Variants in SAMM50 observed in about 807,000 individuals in gnomAD.
SAMM50 encodes the protein sorting and assembly machinery component 50 homolog.
In SAMM50, 47 loss-of-function variants were observed where a neutral mutation model predicts 66.9. The observed-to-expected ratio is 0.70, with a 90% CI of 0.56 to 0.90. The LOEUF (loss-of-function observed/expected upper bound fraction) is 0.90. SAMM50 is among the 40% of genes least tolerant of loss of function. The pLI, the probability that SAMM50 is intolerant of heterozygous loss-of-function variation, is 0.00. For missense variants in SAMM50, 535 were observed against 595.3 expected (o/e 0.90, Z 1.05); for synonymous variants, 191 against 214.1 (o/e 0.89, Z 0.94).
At chr22:43,992,530 AGGCT>A (rs1170381421) in intron 14 of SAMM50, among the ~76,000 whole-genome samples, 1 of 152,160 alleles carries the variant, frequency 6.6e-6, no homozygotes, top group African/African-American at 2.4e-5. Context: ...GTAGTCACGC[AGGCT>A]GCATGCATGT....
chr22:43,985,336 T>C (rs1042481581), intron 12 of SAMM50, among the ~76,000 whole-genome samples: 1 of 151,984 alleles, frequency 6.6e-6, no homozygotes, highest in African/African-American at 2.4e-5. Flanking sequence ...TTCACTGCGC[T>C]AAAAATGCTG....
intron 1 of SAMM50, 35 bp from the exon 2 acceptor site, chr22:43,963,251 A>G (rs778840108): frequency 7.3e-7 from 1 of 1,362,546 alleles, no homozygotes; most frequent in African/African-American, 1.5e-5. Context: ...ATATGTGACA[A>G]AGTCATTTAT....
chr22:43,989,283 C>T (rs2050310339), intron 13 of SAMM50, 26 bp downstream of exon 13: 2 of 1,610,864 alleles, frequency 1.2e-6, no homozygotes, highest in African/African-American at 1.3e-5. Flanking sequence ...TTCAAGAAAC[C>T]ATTGTAGTAC....
Position 43,968,820 on chromosome 22 carries a change from TAC to T in SAMM50, c.322+4_322+5del. The stretch of plus-strand genomic sequence containing the variant: ...ATGTTTTGATTGACACATGTCAAGG[TAC>T]ATATTGTGGTGTAGTATCTTTATAA... On this transcript the variant is annotated splice_donor_region_variant and intron_variant, in intron 4 of 14. Coordinates refer to ENST00000350028, the MANE Select transcript of SAMM50 (RefSeq NM_015380.5). 3 of 1,601,528 alleles carry T rather than the reference TAC, an allele frequency of 1.9e-6. No homozygotes were observed.
intron 1 of SAMM50, 102 bp from the exon 2 acceptor site, chr22:43,963,184 C>T (rs1382249376): frequency 4.4e-6 from 3 of 686,602 alleles, no homozygotes; most frequent in African/African-American, 3.6e-5. Context: ...AAGGGAACAA[C>T]TACTGAATTT....
chr22:43,984,539 C>T (rs956672770), intron 12 of SAMM50, among the ~76,000 whole-genome samples: 2 of 151,936 alleles, frequency 1.3e-5, no homozygotes, highest in African/African-American at 2.4e-5. Flanking sequence ...TCTCAAACTC[C>T]TGACCTCGTG....
At chr22:43,979,846 T>C (rs1191463704) in intron 10 of SAMM50, among the ~76,000 whole-genome samples, 2 of 151,782 alleles carry the variant, frequency 1.3e-5, no homozygotes, top group East Asian at 3.9e-4. Flanking sequence ...CACCCTGACT[T>C]TCAGGCACTC....
Position 43,990,273 on chromosome 22 carries a change from C to A in SAMM50, c.1231C>A (p.Pro411Thr). Residue 411 changes from proline (P) to threonine (T), a missense_variant, in exon 14 of 15, where the codon CCC (proline) becomes ACC (threonine). By Grantham distance (38) the Pro-to-Thr change is conservative (BLOSUM62 -1). Transcript: ENST00000350028. ...GGTCTTTCTCTTTTCAGGGGAGGGC[C>A]CCAAAGCTCATATTCGTAAGCTGGC... ...NLCNLNYGEG[P>T]KAHIRKLAEC... 1.2e-6 allele frequency: 2 copies of A among 1,614,156 alleles called. 1 individual carries two copies. The highest frequency in any genetic ancestry group is 2.2e-5 in the South Asian group (2 of 91,078).
intron 5 of SAMM50, 60 bp from the exon 6 acceptor site, chr22:43,972,811 A>G: frequency 6.7e-7 from 1 of 1,497,794 alleles, no homozygotes; most frequent in Admixed American, 2.2e-5. Context: ...TCTTTATCCA[A>G]TCCAAAGTTC....
At chr22:43,961,187 T>G (rs972269929) in intron 1 of SAMM50, among the ~76,000 whole-genome samples, 4 of 152,184 alleles carry the variant, frequency 2.6e-5, no homozygotes, top group Non-Finnish European at 5.9e-5. Context: ...ACTTTAAAAG[T>G]GCCTAATTGT....
At chr22:43,991,126 G>A (rs1447257463) in intron 14 of SAMM50, among the ~76,000 whole-genome samples, 3 of 151,670 alleles carry the variant, frequency 2.0e-5, no homozygotes, top group Admixed American at 1.3e-4. Flanking sequence ...ACAGGCATGC[G>A]TCACCACACC....
At chr22:43,976,621 G>A in intron 8 of SAMM50, 129 bp from the exon 9 acceptor site, 1 of 712,312 alleles carries the variant, frequency 1.4e-6, no homozygotes, top group Non-Finnish European at 2.5e-6. Context: ...TCCTCCAAGG[G>A]CTCTGTGAAC....
chr22:43,989,260 A>G lies in SAMM50; in HGVS notation c.1222+3A>G, dbSNP rs2050310185. The stretch of plus-strand genomic sequence containing the variant: ...AAACCTCTGCAACCTCAACTATGGT[A>G]AAACTTGCGCTATTCAAGAAACCAT... On this transcript the variant is annotated splice_donor_region_variant and intron_variant, in intron 13 of 14. Coordinates refer to ENST00000350028, the MANE Select transcript of SAMM50 (RefSeq NM_015380.5). 6.2e-7 allele frequency: 1 copy of G among 1,614,136 alleles called. No homozygotes were observed. The highest frequency in any genetic ancestry group is 8.5e-7 in the Non-Finnish European group (1 of 1,180,002).
intron 10 of SAMM50, among the ~76,000 whole-genome samples, chr22:43,980,163 T>TCCATCCATCCAC (rs1569032114): frequency 2.4e-4 from 2 of 8,280 alleles, no homozygotes; most frequent in Admixed American, 1.4e-3. Context: ...CATCCATCCA[T>TCCATCCATCCAC]TCACCCACCC....
intron 11 of SAMM50, 66 bp downstream of exon 11, chr22:43,981,527 T>C: frequency 1.7e-6 from 2 of 1,154,162 alleles, no homozygotes; most frequent in South Asian, 1.2e-5. Flanking sequence ...AGTTGTTTTT[T>C]ATAAGATATT....
chr22:43,970,312 G>C (rs1429713933), intron 4 of SAMM50, among the ~76,000 whole-genome samples: 2 of 152,100 alleles, frequency 1.3e-5, no homozygotes, highest in African/African-American at 4.8e-5. Flanking sequence ...ACCTTGGGCT[G>C]GTGTGGTGCT....
chr22:43,996,169 G>A (rs977405986), intron 14 of SAMM50, 169 bp from the exon 15 acceptor site: 4 of 743,952 alleles, frequency 5.4e-6, no homozygotes, highest in Non-Finnish European at 9.7e-6. Flanking sequence ...AACCAGCAAA[G>A]GAGGAAGCAG....
intron 3 of SAMM50, among the ~76,000 whole-genome samples, chr22:43,967,655 G>T (rs1047931057): frequency 2.6e-5 from 4 of 152,180 alleles, no homozygotes; most frequent in Admixed American, 1.3e-4. Context: ...GCAGAATACC[G>T]CATTCGTCTG....
At chr22:43,992,567 G>A (rs997701912) in intron 14 of SAMM50, among the ~76,000 whole-genome samples, 1 of 152,224 alleles carries the variant, frequency 6.6e-6, no homozygotes, top group African/African-American at 2.4e-5. Flanking sequence ...CCAGCTACCC[G>A]GGCTTGGGGC....
Sources: allele counts gnomAD v4.1 joint callset (sites outside exome capture counted in the v4.1 genomes callset), GRCh38; gene constraint gnomAD v4.1.1; transcripts MANE v1.5; gene names NCBI Gene and HGNC (gene_info 2026-07-23, HGNC 2026-07-21).